Variants in LTBP1 observed in about 807,000 individuals in gnomAD.
The protein encoded by LTBP1 is latent transforming growth factor beta binding protein 1, also known as latent-transforming growth factor beta-binding protein 1.
A neutral mutation model predicts 207.6 loss-of-function variants in LTBP1; 129 were observed. The observed-to-expected ratio is 0.62, with a 90% confidence interval of 0.54 to 0.72. The LOEUF is 0.72. Among genes scored for constraint, LTBP1 ranks in the 30% least tolerant of loss-of-function variants. The probability of loss-of-function intolerance (pLI) is 0.00; values close to 1 mark genes in which losing one functional copy is unlikely to be tolerated. For synonymous variants in LTBP1, 963 were observed against 833.7 expected (o/e 1.16, Z -2.67); for missense variants, 2,281 against 2,217.2 (o/e 1.03, Z -0.58).
rs1354173303 is a variant in LTBP1 at position 33,134,626 on chromosome 2, A to C, written c.1034-167A>C. The C allele has an allele frequency of 2.6e-6, 4 of 1,534,086 alleles. No individual in the cohort carries two copies. Among genetic ancestry groups the C allele is most frequent in the South Asian group, 1.3e-5 (1 of 79,560 alleles). On this transcript the variant is annotated intron_variant, in intron 4 of 33. Coordinates refer to ENST00000404816, the MANE Select transcript of LTBP1 (RefSeq NM_206943.4). The surrounding 1 kb of genome is among the most constrained non-coding windows in gnomAD (Gnocchi z 4.4). ...CACCACTGAATACAGAGCAGCGAGCACTGAAGGCTTCCCTCTTTCCTTAAA... is the reference window on the plus strand; with the variant it reads ...CACCACTGAATACAGAGCAGCGAGCCCTGAAGGCTTCCCTCTTTCCTTAAA...
intron 22 of LTBP1, among the ~76,000 whole-genome samples, chr2:33,307,182 T>C (rs1265852637): frequency 6.6e-6 from 1 of 152,246 alleles, no homozygotes; most frequent in African/African-American, 2.4e-5. Context: ...AGTTCTCATA[T>C]GTTTCCTGTG....
At chr2:33,064,207 AG>A (rs972572831) in intron 3 of LTBP1, among the ~76,000 whole-genome samples, 1 of 152,196 alleles carries the variant, frequency 6.6e-6, no homozygotes, top group Non-Finnish European at 1.5e-5. Context: ...CTTTAAATTG[AG>A]TTTTCTGCTA....
intron 29 of LTBP1, 86 bp from the exon 30 acceptor site, chr2:33,364,130 A>C: frequency 1.5e-6 from 2 of 1,344,964 alleles, no homozygotes; most frequent in Non-Finnish European, 1.0e-6. Flanking sequence ...ATCTGGACTA[A>C]ATATAGCAAT....
intron 5 of LTBP1, among the ~76,000 whole-genome samples, chr2:33,149,378 C>G (rs1286281579): frequency 1.3e-5 from 2 of 152,040 alleles, no homozygotes; most frequent in African/African-American, 4.8e-5. Context: ...CAGACAACAT[C>G]TTAGACCCTG....
At chr2:32,959,617 A>ATTTTTTTTTTTTTTTTTT (rs1373102884) in intron 2 of LTBP1, among the ~76,000 whole-genome samples, 1 of 38,554 alleles carries the variant, frequency 2.6e-5, no homozygotes, top group Non-Finnish European at 4.7e-5. Flanking sequence ...ATATATATAT[A>ATTTTTTTTTTTTTTTTTT]TATATTTTTT....
intron 26 of LTBP1, among the ~76,000 whole-genome samples, chr2:33,352,885 C>T (rs895248295): frequency 1.3e-5 from 2 of 151,956 alleles, no homozygotes; most frequent in Non-Finnish European, 2.9e-5. Flanking sequence ...CTCATGGTTA[C>T]CCCAAACAAT....
chr2:33,019,328 CTTTT>C (rs58570641), intron 2 of LTBP1, among the ~76,000 whole-genome samples: 11 of 87,708 alleles, frequency 1.3e-4, no homozygotes, highest in African/African-American at 2.1e-4. Flanking sequence ...ATGTACACTT[CTTTT>C]TTTTTTTTTT....
chr2:33,091,827 G>A (rs1446728668), intron 3 of LTBP1, among the ~76,000 whole-genome samples: 1 of 152,040 alleles, frequency 6.6e-6, no homozygotes, highest in African/African-American at 2.4e-5. Flanking sequence ...GCTCTTCCAG[G>A]GAAACTTTCT....
At chr2:33,346,853 G>A (rs889923309) in intron 25 of LTBP1, among the ~76,000 whole-genome samples, 3 of 151,368 alleles carry the variant, frequency 2.0e-5, no homozygotes, top group African/African-American at 4.9e-5. Flanking sequence ...GCAGTGGCTC[G>A]CGCCTGTAAT....
At chr2:33,038,025 C>A (rs943665969) in intron 3 of LTBP1, among the ~76,000 whole-genome samples, 1 of 152,216 alleles carries the variant, frequency 6.6e-6, no homozygotes, top group African/African-American at 2.4e-5. Context: ...TAGCCAAGAT[C>A]CTGTTTTAAG....
intron 5 of LTBP1, among the ~76,000 whole-genome samples, chr2:33,179,411 A>G (rs966295705): frequency 3.3e-5 from 5 of 152,140 alleles, no homozygotes; most frequent in Admixed American, 3.3e-4. Context: ...GAATGAAACG[A>G]TAATGTATTT....
At chr2:33,238,963 C>T (rs2092184051) in intron 9 of LTBP1, among the ~76,000 whole-genome samples, 1 of 152,060 alleles carries the variant, frequency 6.6e-6, no homozygotes, top group South Asian at 2.1e-4. Flanking sequence ...GCATGTATAC[C>T]TGATTACTTT....
chr2:33,014,049 A>G (rs886850565), intron 2 of LTBP1, among the ~76,000 whole-genome samples: 13 of 152,198 alleles, frequency 8.5e-5, no homozygotes, highest in South Asian at 4.1e-4. Flanking sequence ...TGACTTGACG[A>G]TCTGACTCAG....
At chr2:33,180,925 A>G (rs1203980332) in intron 5 of LTBP1, among the ~76,000 whole-genome samples, 1 of 152,226 alleles carries the variant, frequency 6.6e-6, no homozygotes, top group Non-Finnish European at 1.5e-5. Flanking sequence ...ATCAACAAAA[A>G]TGCTGAAGGC....
At chr2:33,304,446 G>A (rs549746461) in intron 22 of LTBP1, among the ~76,000 whole-genome samples, 1 of 152,254 alleles carries the variant, frequency 6.6e-6, no homozygotes, top group South Asian at 2.1e-4. Flanking sequence ...TCCCCTAATG[G>A]TTCTGGCAAA....
intron 24 of LTBP1, among the ~76,000 whole-genome samples, chr2:33,320,556 G>T (rs913323570): frequency 1.3e-5 from 2 of 152,138 alleles, no homozygotes; most frequent in African/African-American, 4.8e-5. Flanking sequence ...AAGAAATGAA[G>T]CCATATGAAG....
intron 3 of LTBP1, among the ~76,000 whole-genome samples, chr2:33,036,974 T>C (rs2075958096): frequency 6.6e-6 from 1 of 152,206 alleles, no homozygotes. Flanking sequence ...GTAGTTACAT[T>C]GATCATGCTT....
At position 33,020,941 on chromosome 2, in the gene LTBP1, ATG is replaced by A. The variant is rs1417412437; in HGVS notation, c.602_603del (p.Cys201SerfsTer9). The A allele has an allele frequency of 1.3e-6, 2 of 1,596,634 alleles. No individual in the cohort carries two copies. The highest frequency in any genetic ancestry group is 8.6e-7 in the Non-Finnish European group (1 of 1,167,022). On this transcript the variant is annotated frameshift_variant, in exon 3 of 34. Coordinates refer to ENST00000404816, the MANE Select transcript of LTBP1 (RefSeq NM_206943.4). LOFTEE classifies it high-confidence loss of function. ...SCVPPCQNGG[M>X]CLRPQLCVCK... ...TGTTCCGCCATGTCAGAATGGAGGGATGTGTCTCCGGCCACAACTCTGTGTGT... is the reference window on the plus strand; with the variant it reads ...TGTTCCGCCATGTCAGAATGGAGGGATGTCTCCGGCCACAACTCTGTGTGT...
chr2:33,357,609 G>GA (rs1559062699), intron 26 of LTBP1, among the ~76,000 whole-genome samples: 3 of 152,022 alleles, frequency 2.0e-5, no homozygotes, highest in African/African-American at 4.8e-5. Flanking sequence ...AGTTCCTACA[G>GA]AAAAAAACAT....
Sources: allele counts gnomAD v4.1 joint callset (sites outside exome capture counted in the v4.1 genomes callset), GRCh38; gene constraint gnomAD v4.1.1; non-coding constraint Gnocchi (gnomAD v3.1); transcripts MANE v1.5; gene names NCBI Gene and HGNC (gene_info 2026-07-23, HGNC 2026-07-21).